PDE4B: variants seen among roughly 807,000 people sequenced by gnomAD.
The protein encoded by PDE4B is 3',5'-cyclic-AMP phosphodiesterase 4B.
A neutral mutation model predicts 82.2 loss-of-function variants in PDE4B; 20 were observed. The observed-to-expected ratio is 0.24, with a 90% confidence interval of 0.17 to 0.35. PDE4B has a LOEUF of 0.35. Ranked by LOEUF, PDE4B falls within the 10% of genes least tolerant of loss-of-function variation. PDE4B has a pLI of 1.00. For missense variants in PDE4B, 655 were observed against 907.2 expected (o/e 0.72, Z 3.57); for synonymous variants, 320 against 318.9 (o/e 1.00, Z -0.04).
At position 66,249,660 on chromosome 1, in the gene PDE4B, C is replaced by G. The variant is rs1176696676; in HGVS notation, c.476+2006C>G. Among the ~76,000 whole-genome samples the G allele has an allele frequency of 2.0e-5, 3 of 149,434 alleles. No homozygotes were observed. The Admixed American group carries it at 2.0e-4, about 10-fold the overall frequency. On this transcript the variant is annotated intron_variant, in intron 4 of 16. Coordinates refer to ENST00000341517, the MANE Select transcript of PDE4B (RefSeq NM_002600.4). ...TTCAATTTTACTGGCCAGTAAAATT[C>G]CCCACCACCCGCCCCACCCCCTGCC...
intron 3 of PDE4B, among the ~76,000 whole-genome samples, chr1:66,203,488 C>G (rs1649218892): frequency 6.6e-6 from 1 of 152,188 alleles, no homozygotes; most frequent in Admixed American, 6.5e-5. Context: ...GTACACCAAT[C>G]AGACGTAGAT....
At chr1:66,105,515 A>C (rs1403828211) in intron 3 of PDE4B, among the ~76,000 whole-genome samples, 1 of 152,136 alleles carries the variant, frequency 6.6e-6, no homozygotes, top group African/African-American at 2.4e-5. Context: ...CATTGAATCT[A>C]TAAATTACCT....
At chr1:66,092,646 C>T (rs1157841245) in intron 3 of PDE4B, among the ~76,000 whole-genome samples, 1 of 151,962 alleles carries the variant, frequency 6.6e-6, no homozygotes, top group Non-Finnish European at 1.5e-5. Flanking sequence ...ATAGATTAAG[C>T]CACGAGTTTA....
intron 1 of PDE4B, among the ~76,000 whole-genome samples, chr1:65,853,427 ATT>A (rs796138797): frequency 1.3e-4 from 20 of 149,790 alleles, no homozygotes; most frequent in African/African-American, 4.9e-4. Context: ...TTAATTTTCT[ATT>A]TGTCTTTCCT....
At chr1:65,845,517 G>A (rs1646257793) in intron 1 of PDE4B, among the ~76,000 whole-genome samples, 1 of 152,100 alleles carries the variant, frequency 6.6e-6, no homozygotes, top group Non-Finnish European at 1.5e-5. Context: ...GGTGAGATAT[G>A]GTCTGGCTCT....
intron 3 of PDE4B, among the ~76,000 whole-genome samples, chr1:65,943,125 TG>T (rs1648532065): frequency 6.6e-6 from 1 of 152,008 alleles, no homozygotes; most frequent in South Asian, 2.1e-4. Context: ...TGTTTTCTTC[TG>T]GTAGTTTTTC....
At chr1:66,051,036 C>G (rs1411838441) in intron 3 of PDE4B, among the ~76,000 whole-genome samples, 1 of 152,028 alleles carries the variant, frequency 6.6e-6, no homozygotes, top group Non-Finnish European at 1.5e-5. Flanking sequence ...TGTGTGGGTA[C>G]AAAGAAATGA....
chr1:66,207,839 CTT>C, intron 3 of PDE4B, among the ~76,000 whole-genome samples: 1 of 152,260 alleles, frequency 6.6e-6, no homozygotes, highest in South Asian at 2.1e-4. Context: ...ACAAAATACT[CTT>C]TGAGTACTTT....
chr1:66,118,717 A>T (rs561297990), intron 3 of PDE4B, among the ~76,000 whole-genome samples: 222 of 151,394 alleles, frequency 1.5e-3, no homozygotes, highest in Non-Finnish European at 2.2e-3. Context: ...AAATATAATT[A>T]AAAAAAAACC....
At chr1:66,244,739 G>T (rs1280358141) in intron 3 of PDE4B, among the ~76,000 whole-genome samples, 3 of 152,198 alleles carry the variant, frequency 2.0e-5, no homozygotes, top group South Asian at 4.1e-4. Flanking sequence ...TTGCATCAGA[G>T]ACTTCTTCCC....
intron 3 of PDE4B, among the ~76,000 whole-genome samples, chr1:66,235,041 A>G (rs1236679423): frequency 6.6e-6 from 1 of 152,178 alleles, no homozygotes; most frequent in Non-Finnish European, 1.5e-5. Context: ...TATTTAGTTT[A>G]CAAATGCCTG....
At chr1:66,127,780 T>G (rs913650183) in intron 3 of PDE4B, among the ~76,000 whole-genome samples, 1 of 152,182 alleles carries the variant, frequency 6.6e-6, no homozygotes, top group Admixed American at 6.5e-5. Flanking sequence ...GGAGATATTA[T>G]TGGCTCAAGA....
At chr1:65,855,020 T>A (rs922758290) in intron 1 of PDE4B, among the ~76,000 whole-genome samples, 3 of 151,780 alleles carry the variant, frequency 2.0e-5, no homozygotes, top group African/African-American at 7.2e-5. Flanking sequence ...TTTCAAATAT[T>A]GTTTTTTATT....
chr1:66,039,288 C>T (rs941320998), intron 3 of PDE4B, among the ~76,000 whole-genome samples: 1 of 152,010 alleles, frequency 6.6e-6, no homozygotes, highest in East Asian at 1.9e-4. Flanking sequence ...TGTTGCTTTT[C>T]TTCTTAGTGT....
At chr1:66,126,634 G>A (rs1433078320) in intron 3 of PDE4B, among the ~76,000 whole-genome samples, 1 of 152,136 alleles carries the variant, frequency 6.6e-6, no homozygotes, top group East Asian at 1.9e-4. Context: ...AAATGTAGAA[G>A]GAATTAGAGA....
chr1:66,013,935 CA>C (rs1652628882), intron 3 of PDE4B, among the ~76,000 whole-genome samples: 1 of 152,102 alleles, frequency 6.6e-6, no homozygotes, highest in Non-Finnish European at 1.5e-5. Flanking sequence ...TCACTTTCTC[CA>C]CATTCTGACC....
At chr1:66,291,269 T>A (rs958458673) in intron 7 of PDE4B, among the ~76,000 whole-genome samples, 5 of 151,762 alleles carry the variant, frequency 3.3e-5, no homozygotes, top group African/African-American at 1.2e-4. Flanking sequence ...TTTAGGGAGG[T>A]TAAATAATTT....
chr1:66,135,580 GA>G (rs917910995), intron 3 of PDE4B, among the ~76,000 whole-genome samples: 6 of 152,180 alleles, frequency 3.9e-5, no homozygotes, highest in Admixed American at 1.3e-4. Flanking sequence ...TATAGAGATA[GA>G]AACAAGTTTA....
chr1:65,968,013 A>G (rs1454203810), intron 3 of PDE4B, among the ~76,000 whole-genome samples: 1 of 152,176 alleles, frequency 6.6e-6, no homozygotes, highest in Non-Finnish European at 1.5e-5. Context: ...AACTTAAAGT[A>G]TAATTTAAAA....
Sources: allele counts gnomAD v4.1 joint callset (sites outside exome capture counted in the v4.1 genomes callset), GRCh38; gene constraint gnomAD v4.1.1; transcripts MANE v1.5; gene names NCBI Gene and HGNC (gene_info 2026-07-23, HGNC 2026-07-21).